The following GMDS variants were observed in gnomAD, a reference collection of about 807,000 sequenced individuals.
The protein encoded by GMDS is GDP-mannose 4,6-dehydratase, also known as GDP-mannose 4,6 dehydratase.
In GMDS, 20 loss-of-function variants were observed where a neutral mutation model predicts 49.9. The observed-to-expected ratio is 0.40, with a 90% CI of 0.28 to 0.58. The LOEUF (loss-of-function observed/expected upper bound fraction) is 0.58, where lower values mean the gene tolerates loss of function less well. GMDS is among the 20% of genes least tolerant of loss of function. The pLI, the probability that GMDS is intolerant of heterozygous loss-of-function variation, is 0.42. For synonymous variants in GMDS, 177 were observed against 178.6 expected, an observed-to-expected ratio of 0.99 and a Z score of 0.07; for missense variants, 362 against 481.4, an observed-to-expected ratio of 0.75 and a Z score of 2.32.
At position 1,778,768 on chromosome 6, in the gene GMDS, C is replaced by T. The variant is rs759762775; in HGVS notation, c.772-36182G>A. The stretch of plus-strand genomic sequence containing the variant: ...TTGCAGCTCAGACCTCAAAGCTCGT[C>T]GACAGCAGCAGCCTGACCAGTGTGG... On this transcript the variant is annotated intron_variant, in intron 7 of 10. Coordinates refer to ENST00000380815, the MANE Select transcript of GMDS (RefSeq NM_001500.4). This position sits in a 1 kb window ranked among gnomAD's most constrained non-coding sequence, Gnocchi z 4.6. 2.0e-5 allele frequency among the ~76,000 whole-genome samples: 3 copies of T among 152,096 alleles called. No homozygotes were observed. The highest frequency in any genetic ancestry group is 6.5e-5 in the Admixed American group (1 of 15,272).
chr6:2,189,948 G>A (rs758504356), intron 1 of GMDS, among the ~76,000 whole-genome samples: 4 of 152,070 alleles, frequency 2.6e-5, no homozygotes, highest in Non-Finnish European at 5.9e-5. Context: ...ATAATGGAGC[G>A]CAGTGAGATT....
rs552659864 is a variant in GMDS at position 1,861,017 on chromosome 6, C to A, written c.771+69086G>T. Reference sequence around the variant, plus strand: ...CCACTGTTAGGGCAATGAAATATCACGCTTCTCCATTCAAGAACAGAGTTA... The same window carrying A: ...CCACTGTTAGGGCAATGAAATATCAAGCTTCTCCATTCAAGAACAGAGTTA... On this transcript the variant is annotated intron_variant, in intron 7 of 10. Coordinates refer to ENST00000380815, the MANE Select transcript of GMDS (RefSeq NM_001500.4). Among the ~76,000 whole-genome samples, 250 of 152,336 alleles carry A rather than the reference C, an allele frequency of 1.6e-3. 1 individual carries two copies. The highest frequency in any genetic ancestry group is 5.8e-3 in the African/African-American group (242 of 41,586).
chr6:2,044,298 A>G (rs1769863551), intron 4 of GMDS, among the ~76,000 whole-genome samples: 1 of 152,246 alleles, frequency 6.6e-6, no homozygotes, highest in African/African-American at 2.4e-5. Flanking sequence ...AATAGAAGAC[A>G]TGAAATCAAC....
At chr6:1,844,042 T>A (rs1757272406) in intron 7 of GMDS, among the ~76,000 whole-genome samples, 1 of 152,160 alleles carries the variant, frequency 6.6e-6, no homozygotes, top group Admixed American at 6.5e-5. Flanking sequence ...ATATAAGTAA[T>A]CACAATAGCA....
At chr6:1,716,567 G>A (rs575766603) in intron 9 of GMDS, among the ~76,000 whole-genome samples, 6 of 152,186 alleles carry the variant, frequency 3.9e-5, no homozygotes, top group Non-Finnish European at 7.4e-5. Context: ...GAGGTGAGGC[G>A]GTGAAGAGGG....
chr6:1,718,307 G>C (rs1766243648), intron 9 of GMDS, among the ~76,000 whole-genome samples: 1 of 152,100 alleles, frequency 6.6e-6, no homozygotes, highest in Non-Finnish European at 1.5e-5. Flanking sequence ...GAAGGCACCG[G>C]GAGTGTGACG....
At chr6:1,651,118 T>G (rs934819488) in intron 9 of GMDS, among the ~76,000 whole-genome samples, 1 of 152,202 alleles carries the variant, frequency 6.6e-6, no homozygotes, top group African/African-American at 2.4e-5. Context: ...CCTGCTGAGC[T>G]GCTATCTGGA....
At position 2,138,193 on chromosome 6, in the gene GMDS, C is replaced by T. The variant is rs139324753; in HGVS notation, c.103-13462G>A. On this transcript the variant is annotated intron_variant, in intron 1 of 10. Transcript: ENST00000380815. ...TATAAATCTTAAAGTCTGTATTAAT[C>T]GGACAATGGATCATCATACTGTATA... is the stretch of plus-strand genomic sequence containing the variant. 5.7e-3 allele frequency among the ~76,000 whole-genome samples: 867 copies of T among 152,210 alleles called. 2 individuals carry two copies. Among genetic ancestry groups the T allele is most frequent in the Middle Eastern group, 0.017 (5 of 294 alleles).
At chr6:1,650,998 G>C (rs1384053277) in intron 9 of GMDS, among the ~76,000 whole-genome samples, 1 of 152,228 alleles carries the variant, frequency 6.6e-6, no homozygotes, top group African/African-American at 2.4e-5. Flanking sequence ...CGGCAACCCT[G>C]CCATGTCCCC....
intron 1 of GMDS, among the ~76,000 whole-genome samples, chr6:2,232,542 G>A (rs974226479): frequency 2.0e-5 from 3 of 152,002 alleles, no homozygotes; most frequent in Non-Finnish European, 2.9e-5. Flanking sequence ...TCATCTTACC[G>A]TCCACCATCA....
intron 3 of GMDS, 73 bp from the exon 4 acceptor site, chr6:2,115,953 G>T (rs1774824587): frequency 2.3e-6 from 2 of 872,642 alleles, no homozygotes; most frequent in Non-Finnish European, 3.9e-6. Flanking sequence ...CATCAAAATT[G>T]AAATGCATAT....
intron 7 of GMDS, among the ~76,000 whole-genome samples, chr6:1,879,856 G>A (rs1759278256): frequency 6.6e-6 from 1 of 152,002 alleles, no homozygotes; most frequent in Non-Finnish European, 1.5e-5. Context: ...TTTCTAGGAT[G>A]ATAACATTTT....
chr6:1,975,229 C>G (rs148620856), intron 4 of GMDS, among the ~76,000 whole-genome samples: 21 of 152,234 alleles, frequency 1.4e-4, no homozygotes, highest in Non-Finnish European at 2.2e-4. Flanking sequence ...TACCGCCTCA[C>G]GATTTTTACA....
intron 9 of GMDS, among the ~76,000 whole-genome samples, chr6:1,716,991 T>C (rs1766198730): frequency 6.6e-6 from 1 of 152,228 alleles, no homozygotes; most frequent in Non-Finnish European, 1.5e-5. Context: ...CATTTTGGTT[T>C]AGTCCGCAAA....
intron 1 of GMDS, among the ~76,000 whole-genome samples, chr6:2,159,466 G>A (rs1777273992): frequency 6.7e-6 from 1 of 148,774 alleles, no homozygotes; most frequent in African/African-American, 2.5e-5. Context: ...TACATTTTAT[G>A]CATTCATGGC....
In GMDS at chr6:1,624,481, G is replaced by A. The variant is rs1027125324; in HGVS notation, c.1047C>T (p.Val349=). 5 of 1,613,532 alleles carry A rather than the reference G, an allele frequency of 3.1e-6. No individual in the cohort carries two copies. Among genetic ancestry groups the A allele is most frequent in the Non-Finnish European group, 4.2e-6 (5 of 1,179,506 alleles). ...AKQKLNWKPR[V]AFDELVREMV... is the part of the protein sequence containing the mutation. The stretch of plus-strand genomic sequence containing the variant: ...CCTAAGAGATACTCACATCGAAAGC[G>A]ACCCGGGGCTTCCAGTTCAGCTTCT... The change falls in exon 10 of 11, where the codon GTC becomes GTT. Residue 349 remains valine, a synonymous_variant. Coordinates refer to ENST00000380815, the MANE Select transcript of GMDS (RefSeq NM_001500.4).
chr6:2,153,557 A>G (rs2127539558), intron 1 of GMDS, among the ~76,000 whole-genome samples: 1 of 152,316 alleles, frequency 6.6e-6, no homozygotes, highest in East Asian at 1.9e-4. Context: ...AAATGAGTTC[A>G]TATATAAATG....
intron 7 of GMDS, among the ~76,000 whole-genome samples, chr6:1,789,393 T>G (rs1234391376): frequency 1.3e-5 from 2 of 152,166 alleles, no homozygotes; most frequent in African/African-American, 4.8e-5. Context: ...GGGCCCACCA[T>G]GAATTACAGA....
At chr6:1,697,684 C>G (rs1765392171) in intron 9 of GMDS, among the ~76,000 whole-genome samples, 1 of 152,200 alleles carries the variant, frequency 6.6e-6, no homozygotes, top group South Asian at 2.1e-4. Flanking sequence ...CTGTGGGAAT[C>G]AGGCCTAGGA....
Sources: allele counts gnomAD v4.1 joint callset (sites outside exome capture counted in the v4.1 genomes callset), GRCh38; gene constraint gnomAD v4.1.1; non-coding constraint Gnocchi (gnomAD v3.1); transcripts MANE v1.5; gene names NCBI Gene and HGNC (gene_info 2026-07-23, HGNC 2026-07-21).